Variants in N4BP2L2 observed in about 807,000 individuals in gnomAD.
N4BP2L2 encodes NEDD4-binding protein 2-like 2.
A neutral mutation model predicts 56.2 loss-of-function variants in N4BP2L2; 50 were observed. The observed-to-expected ratio is 0.89, with a 90% CI of 0.71 to 1.13. The LOEUF (loss-of-function observed/expected upper bound fraction) is 1.13, where lower values mean the gene tolerates loss of function less well. Among genes scored for constraint, N4BP2L2 ranks in the 50% most tolerant of loss-of-function variants. N4BP2L2 has a pLI of 0.00. For missense variants in N4BP2L2, 689 were observed against 693.8 expected (o/e 0.99, Z 0.08); for synonymous variants, 203 against 223.6 (o/e 0.91, Z 0.82).
chr13:32,497,782 C>T (rs554613561), intron 6 of N4BP2L2, among the ~76,000 whole-genome samples: 1 of 152,320 alleles, frequency 6.6e-6, no homozygotes, highest in African/African-American at 2.4e-5. Context: ...ATTCAACAAA[C>T]ATGACAAAAT....
exon 7 of N4BP2L2, chr13:32,443,110 T>C (rs1410388868): frequency 1.2e-6 from 2 of 1,610,786 alleles, no homozygotes; most frequent in East Asian, 4.5e-5. Context: ...TAAGGCATTC[T>C]TTGGTATATC....
At chr13:32,521,527 C>A in intron 4 of N4BP2L2, 78 bp from the exon 5 acceptor site, 1 of 965,568 alleles carries the variant, frequency 1.0e-6, no homozygotes. Flanking sequence ...AGTTAAATTT[C>A]ATTTCGACAA....
intron 6 of N4BP2L2, among the ~76,000 whole-genome samples, chr13:32,499,420 G>A (rs1397483230): frequency 6.6e-6 from 1 of 151,994 alleles, no homozygotes; most frequent in East Asian, 1.9e-4. Flanking sequence ...GTTGTCCCAA[G>A]GGTCAAGATA....
intron 6 of N4BP2L2, among the ~76,000 whole-genome samples, chr13:32,488,249 C>A (rs1430496998): frequency 6.6e-6 from 1 of 152,218 alleles, no homozygotes; most frequent in East Asian, 1.9e-4. Flanking sequence ...GAGATTATGT[C>A]CTTTGAAGTA....
chr13:32,489,436 T>C (rs1356588078), intron 6 of N4BP2L2, among the ~76,000 whole-genome samples: 1 of 152,188 alleles, frequency 6.6e-6, no homozygotes, highest in African/African-American at 2.4e-5. Context: ...CTTAGCCAAA[T>C]TGTTAAAAAA....
chr13:32,474,763 A>G (rs1220110958), intron 6 of N4BP2L2, among the ~76,000 whole-genome samples: 1 of 152,196 alleles, frequency 6.6e-6, no homozygotes, highest in African/African-American at 2.4e-5. Context: ...GTGGTGTTAT[A>G]TTTACTTTGA....
intron 6 of N4BP2L2, chr13:32,477,851 T>G (rs1190737088): frequency 3.9e-6 from 5 of 1,288,382 alleles, no homozygotes; most frequent in Non-Finnish European, 5.1e-6. Flanking sequence ...TGCACTGGAT[T>G]TGAAACAAAA....
intron 5 of N4BP2L2, 147 bp downstream of exon 5, chr13:32,521,226 T>C: frequency 1.5e-6 from 1 of 647,654 alleles, no homozygotes. Context: ...AGAAGTGGCC[T>C]AGCCAAAAAC....
At chr13:32,526,547 T>G (rs1042553107) in intron 3 of N4BP2L2, among the ~76,000 whole-genome samples, 7 of 152,288 alleles carry the variant, frequency 4.6e-5, no homozygotes, top group African/African-American at 1.4e-4. Flanking sequence ...ACCTGATAAT[T>G]CTGGGTGATG....
At chr13:32,504,606 C>G (rs1393538002) in intron 6 of N4BP2L2, 3 of 152,198 alleles carry the variant, frequency 2.0e-5, no homozygotes, top group Non-Finnish European at 2.9e-5. Context: ...AATTCAACCT[C>G]TAAAATTCTG....
At chr13:32,492,906 T>C (rs933976576) in intron 6 of N4BP2L2, among the ~76,000 whole-genome samples, 22 of 145,678 alleles carry the variant, frequency 1.5e-4, no homozygotes, top group Non-Finnish European at 6.0e-5. Context: ...GAATGTTTTG[T>C]AGCTTTTCTG....
At chr13:32,492,272 A>ATTT (rs1185615708) in intron 6 of N4BP2L2, among the ~76,000 whole-genome samples, 6 of 77,038 alleles carry the variant, frequency 7.8e-5, no homozygotes, top group African/African-American at 3.4e-4. Context: ...AAAACACCAA[A>ATTT]ATTTTTTTTT....
intron 6 of N4BP2L2, among the ~76,000 whole-genome samples, chr13:32,445,450 A>C (rs915243627): frequency 1.3e-5 from 2 of 152,196 alleles, no homozygotes; most frequent in Non-Finnish European, 2.9e-5. Context: ...TAGATTTTGA[A>C]AATTAAGAAG....
chr13:32,536,157 T>C lies in N4BP2L2; in HGVS notation c.871A>G (p.Ile291Val), dbSNP rs147831060. 9.5e-5 allele frequency: 154 copies of C among 1,613,772 alleles called. 1 individual carries two copies. The highest frequency in any genetic ancestry group is 1.2e-4 in the Non-Finnish European group (140 of 1,179,764). The change falls in exon 2 of 6, where the codon ATT (isoleucine) becomes GTT (valine). Residue 291 changes from isoleucine (I) to valine (V), a missense_variant. Transcript: ENST00000267068. ...TTTGGTGGACCACTGAATCTCTGAA[T>C]GTTTAAATGATAGTTCAAACTGGGA...
At chr13:32,449,473 A>T (rs532675946) in intron 6 of N4BP2L2, among the ~76,000 whole-genome samples, 1 of 152,362 alleles carries the variant, frequency 6.6e-6, no homozygotes, top group East Asian at 1.9e-4. Context: ...GAAAAAAGTT[A>T]AACTGCACTG....
chr13:32,457,486 T>C (rs1024497987), intron 6 of N4BP2L2, among the ~76,000 whole-genome samples: 2 of 152,094 alleles, frequency 1.3e-5, no homozygotes, highest in African/African-American at 4.8e-5. Context: ...GAAAAAAACA[T>C]CTAGTTACAT....
At chr13:32,437,466 C>T (rs1203658674) in intron 8 of N4BP2L2, among the ~76,000 whole-genome samples, 1 of 152,182 alleles carries the variant, frequency 6.6e-6, no homozygotes, top group African/African-American at 2.4e-5. Context: ...TGCCTCTGGA[C>T]ACATTTAAAT....
At chr13:32,456,108 A>T (rs2078940697) in intron 6 of N4BP2L2, among the ~76,000 whole-genome samples, 2 of 152,162 alleles carry the variant, frequency 1.3e-5, no homozygotes, top group Admixed American at 6.5e-5. Flanking sequence ...TGGTGCTCAT[A>T]TATGCCACCC....
chr13:32,462,808 A>G (rs1291023702), intron 6 of N4BP2L2, among the ~76,000 whole-genome samples: 4 of 148,982 alleles, frequency 2.7e-5, no homozygotes, highest in Non-Finnish European at 1.5e-5. Flanking sequence ...GGCGGATCAA[A>G]AGGTCAGGAG....
Sources: gnomAD v4.1 joint callset for allele counts (sites outside exome capture counted in the v4.1 genomes callset) on GRCh38, gnomAD v4.1.1 for gene constraint, MANE v1.5 for transcripts, NCBI Gene and HGNC (gene_info 2026-07-23, HGNC 2026-07-21) for gene names.